Variants in NCOA1 observed in about 807,000 individuals in gnomAD.
The protein encoded by NCOA1 is nuclear receptor coactivator 1.
NCOA1 carries 35 observed loss-of-function variants against 150.9 expected under a neutral mutation model. That is an observed-to-expected ratio of 0.23 (90% CI 0.18 to 0.31). NCOA1 has a LOEUF of 0.31. NCOA1 is among the 10% of genes least tolerant of loss of function. The pLI, the probability that NCOA1 is intolerant of heterozygous loss-of-function variation, is 1.00. For missense variants in NCOA1, 1,491 were observed against 1,749.3 expected (o/e 0.85, Z 2.63); for synonymous variants, 590 against 630.0 (o/e 0.94, Z 0.95).
At chr2:24,744,298 A>G (rs1663774158) in intron 19 of NCOA1, among the ~76,000 whole-genome samples, 1 of 152,188 alleles carries the variant, frequency 6.6e-6, no homozygotes, top group Non-Finnish European at 1.5e-5. Flanking sequence ...TCATACTACA[A>G]ACAAAACCCA....
chr2:24,588,860 G>T (rs1047647544), intron 3 of NCOA1, among the ~76,000 whole-genome samples: 1 of 152,094 alleles, frequency 6.6e-6, no homozygotes, highest in African/African-American at 2.4e-5. Context: ...TCTGTAGTAG[G>T]ATCACACCTT....
chr2:24,711,266 G>A (rs1371850351), intron 14 of NCOA1, 155 bp downstream of exon 14: 2 of 679,606 alleles, frequency 2.9e-6, no homozygotes, highest in Non-Finnish European at 4.6e-6. Context: ...ATTTAGGCAT[G>A]TGAACATCAT....
chr2:24,648,439 A>G (rs1351620919), intron 4 of NCOA1, among the ~76,000 whole-genome samples: 1 of 151,958 alleles, frequency 6.6e-6, no homozygotes, highest in Non-Finnish European at 1.5e-5. Flanking sequence ...CACCTGGCTA[A>G]TTTTTGTATT....
At chr2:24,698,350 A>G (rs1429527642) in intron 11 of NCOA1, among the ~76,000 whole-genome samples, 1 of 152,106 alleles carries the variant, frequency 6.6e-6, no homozygotes, top group East Asian at 1.9e-4. Flanking sequence ...GATCAGTATC[A>G]TGCCTGTTTA....
At chr2:24,589,973 C>T (rs561748570) in intron 3 of NCOA1, among the ~76,000 whole-genome samples, 1 of 152,228 alleles carries the variant, frequency 6.6e-6, no homozygotes, top group East Asian at 1.9e-4. Context: ...AATTGACAGG[C>T]CCCATGTTCT....
chr2:24,580,166 T>C (rs143714929), intron 2 of NCOA1, among the ~76,000 whole-genome samples: 18 of 152,370 alleles, frequency 1.2e-4, no homozygotes, highest in African/African-American at 4.1e-4. Flanking sequence ...TTTATTACAC[T>C]TTCTGTGTCT....
intron 1 of NCOA1, among the ~76,000 whole-genome samples, chr2:24,524,767 C>G (rs1664581648): frequency 6.6e-6 from 1 of 152,084 alleles, no homozygotes; most frequent in African/African-American, 2.4e-5. Flanking sequence ...ACCACAATGC[C>G]CAGCTAATTT....
intron 1 of NCOA1, among the ~76,000 whole-genome samples, chr2:24,509,534 T>G (rs1339968773): frequency 6.6e-6 from 1 of 152,162 alleles, no homozygotes; most frequent in Non-Finnish European, 1.5e-5. Context: ...AGTGAAAAGT[T>G]TGGATGGAAA....
intron 3 of NCOA1, among the ~76,000 whole-genome samples, chr2:24,641,960 G>A (rs1287896005): frequency 1.3e-5 from 2 of 150,658 alleles, no homozygotes; most frequent in Admixed American, 6.6e-5. Flanking sequence ...AGTGTCTTTC[G>A]CCTCTCATCA....
chr2:24,668,354 A>G (rs931585942), intron 6 of NCOA1, among the ~76,000 whole-genome samples: 3 of 152,106 alleles, frequency 2.0e-5, no homozygotes, highest in Non-Finnish European at 1.5e-5. Context: ...TGTAAAAGAA[A>G]GATAAAGTAA....
chr2:24,673,631 A>G (rs1002344999), intron 7 of NCOA1, among the ~76,000 whole-genome samples, 168 bp downstream of exon 7: 20 of 152,208 alleles, frequency 1.3e-4, no homozygotes, highest in African/African-American at 4.8e-4. Context: ...ACTGTTTCAG[A>G]ATCAAAAGTG....
chr2:24,758,226 T>G, intron 21 of NCOA1, 70 bp downstream of exon 21: 2 of 1,401,674 alleles, frequency 1.4e-6, no homozygotes, highest in South Asian at 3.3e-5. Context: ...TCAGGTATGT[T>G]GACAGTTACT....
chr2:24,719,981 C>G (rs1006777575), intron 14 of NCOA1, among the ~76,000 whole-genome samples: 1 of 152,104 alleles, frequency 6.6e-6, no homozygotes, highest in Non-Finnish European at 1.5e-5. Flanking sequence ...TAGCAGTGAG[C>G]AATATTTGCA....
chr2:24,518,615 A>G (rs1301892257), intron 1 of NCOA1, among the ~76,000 whole-genome samples: 1 of 152,226 alleles, frequency 6.6e-6, no homozygotes, highest in Non-Finnish European at 1.5e-5. Flanking sequence ...TAGAAGTAAT[A>G]TGTGAGTTGA....
At chr2:24,585,616 A>G (rs1667369994) in intron 3 of NCOA1, among the ~76,000 whole-genome samples, 1 of 152,102 alleles carries the variant, frequency 6.6e-6, no homozygotes, top group Admixed American at 6.5e-5. Flanking sequence ...TCTTCTTTAA[A>G]TATTTTTAAG....
intron 3 of NCOA1, among the ~76,000 whole-genome samples, chr2:24,608,186 T>C (rs896558157): frequency 3.3e-5 from 5 of 150,612 alleles, no homozygotes; most frequent in Non-Finnish European, 7.4e-5. Context: ...TAATTTTAGA[T>C]TTACAGAAGA....
chr2:24,643,695 T>C (rs1260369394), intron 3 of NCOA1, among the ~76,000 whole-genome samples: 2 of 152,278 alleles, frequency 1.3e-5, no homozygotes, highest in Non-Finnish European at 2.9e-5. Context: ...TTAAAAGACA[T>C]GTAAATGAGT....
At position 24,719,278 on chromosome 2, in the gene NCOA1, C is replaced by T. The variant is rs868213051; in HGVS notation, c.2600-7311C>T. 4.6e-5 allele frequency among the ~76,000 whole-genome samples: 7 copies of T among 151,950 alleles called. No individual in the cohort carries two copies. The South Asian group carries it at 8.3e-4, about 18-fold the overall frequency. ...GTAATAGAAGTCTGATCATTGTTTGCCTGAGTTAGGAAGATTGATAGCCAA... is the reference window on the plus strand; with the variant it reads ...GTAATAGAAGTCTGATCATTGTTTGTCTGAGTTAGGAAGATTGATAGCCAA... On this transcript the variant is annotated intron_variant, in intron 14 of 22. Coordinates refer to ENST00000348332, the MANE Select transcript of NCOA1 (RefSeq NM_003743.5).
chr2:24,646,105 A>G (rs932617522), intron 4 of NCOA1, among the ~76,000 whole-genome samples: 9 of 152,222 alleles, frequency 5.9e-5, no homozygotes, highest in African/African-American at 9.6e-5. Context: ...TTTCCTCATT[A>G]TAATGACATT....
Sources: allele counts gnomAD v4.1 joint callset (sites outside exome capture counted in the v4.1 genomes callset), GRCh38; gene constraint gnomAD v4.1.1; transcripts MANE v1.5; gene names NCBI Gene and HGNC (gene_info 2026-07-23, HGNC 2026-07-21).